The following ALKAL2 variants were observed in gnomAD, a reference collection of about 807,000 sequenced individuals.
The protein encoded by ALKAL2 is ALK and LTK ligand 2.
In ALKAL2, 8 loss-of-function variants were observed where a neutral mutation model predicts 18.5. The observed-to-expected ratio is 0.43, with a 90% CI of 0.25 to 0.78. The LOEUF (loss-of-function observed/expected upper bound fraction) is 0.78. Ranked by LOEUF, ALKAL2 falls within the 30% of genes least tolerant of loss-of-function variation. The pLI is 0.22. For missense variants in ALKAL2, 241 were observed against 211.2 expected, an observed-to-expected ratio of 1.14 and a Z score of -0.88; for synonymous variants, 135 against 95.8, an observed-to-expected ratio of 1.41 and a Z score of -2.39.
intron 5 of ALKAL2, among the ~76,000 whole-genome samples, chr2:280,816 C>T (rs900373517): frequency 1.3e-5 from 2 of 152,206 alleles, no homozygotes; most frequent in Admixed American, 6.5e-5. Flanking sequence ...AGCTTCAGAA[C>T]GCGGCAAATG....
In ALKAL2 at chr2:279,806, A is replaced by C. The variant is rs1670276882; in HGVS notation, c.*341T>G. The C allele has an allele frequency of 1.1e-5, 3 of 265,086 alleles. No individual in the cohort carries two copies. The highest frequency in any genetic ancestry group is 2.2e-5 in the Non-Finnish European group (3 of 139,206). 16.4% of individuals were successfully genotyped at this position (265,086 alleles called of 1,614,324 possible). ...TTATGTTATATGAAAATATACTTTA[A>C]GATTCTGCTTATGTTTCTAAAGAAA... On this transcript the variant is annotated 3_prime_UTR_variant, in exon 6 of 6. Coordinates refer to ENST00000403610, the MANE Select transcript of ALKAL2 (RefSeq NM_001002919.3).
At chr2:280,437 A>G (rs557905797) in intron 5 of ALKAL2, among the ~76,000 whole-genome samples, 5 of 152,364 alleles carry the variant, frequency 3.3e-5, no homozygotes, top group Non-Finnish European at 5.9e-5. Flanking sequence ...TACATGTGCT[A>G]TCAGAATCCT....
intron 2 of ALKAL2, 135 bp downstream of exon 2, chr2:287,448 T>TAAA (rs67240058): frequency 6.8e-6 from 3 of 441,372 alleles, no homozygotes; most frequent in Non-Finnish European, 7.2e-6. Context: ...TTCTTTTTCT[T>TAAA]AAAAAAAAAA....
intron 2 of ALKAL2, 117 bp from the exon 3 acceptor site, chr2:286,460 A>G: frequency 1.4e-6 from 1 of 725,608 alleles, no homozygotes; most frequent in Non-Finnish European, 2.3e-6. Context: ...GCTTTGCACA[A>G]AATAAAAAAG....
intron 5 of ALKAL2, among the ~76,000 whole-genome samples, chr2:281,487 G>A (rs1437447748): frequency 2.0e-5 from 3 of 152,180 alleles, no homozygotes; most frequent in East Asian, 3.9e-4. Flanking sequence ...AGGGGATTCT[G>A]CCACAGCTTT....
chr2:284,633 G>A, intron 4 of ALKAL2, among the ~76,000 whole-genome samples: 1 of 152,170 alleles, frequency 6.6e-6, no homozygotes, highest in South Asian at 2.1e-4. Flanking sequence ...TGAGCAAAAG[G>A]AGGTATCGAA....
intron 2 of ALKAL2, 30 bp downstream of exon 2, chr2:287,553 C>T: frequency 7.4e-7 from 1 of 1,352,242 alleles, no homozygotes; most frequent in Non-Finnish European, 9.5e-7. Context: ...CCAGCAGCCC[C>T]GGCCCTCGGG....
chr2:285,519 T>A (rs759523445), intron 4 of ALKAL2, among the ~76,000 whole-genome samples: 3 of 152,194 alleles, frequency 2.0e-5, no homozygotes, highest in Non-Finnish European at 4.4e-5. Flanking sequence ...AACAAGGAGC[T>A]ACTTTTGGAG....
intron 4 of ALKAL2, chr2:285,875 C>T (rs751843443): frequency 1.3e-4 from 59 of 450,846 alleles, no homozygotes; most frequent in Non-Finnish European, 2.1e-4. Context: ...GGAGGAGAAT[C>T]GGAGTTCAGC....
In ALKAL2 at chr2:282,700, T is replaced by C. The variant is rs538509482; in HGVS notation, c.453+411A>G. 5.3e-5 allele frequency among the ~76,000 whole-genome samples: 8 copies of C among 152,304 alleles called. No homozygotes were observed. The South Asian group carries it at 1.7e-3, about 32-fold the overall frequency. ...TTCTTTATGAGCTTATGACTACAAC[T>C]CAAACATGTACCAGATGTGATAATC... On this transcript the variant is annotated intron_variant, in intron 5 of 5. Coordinates refer to ENST00000403610, the MANE Select transcript of ALKAL2 (RefSeq NM_001002919.3).
chr2:280,198 A>G (rs1460703411), intron 5 of ALKAL2, 46 bp from the exon 6 acceptor site: 2 of 1,612,412 alleles, frequency 1.2e-6, no homozygotes, highest in East Asian at 2.2e-5. Context: ...CACACTTCTT[A>G]ATGTCAATTC....
At position 279,982 on chromosome 2, in the gene ALKAL2, G is replaced by A; in HGVS notation, c.*165C>T. ...ACACTGATTTATCGAATATATATCTGCAAACTGTCAACAACATACAAAACT... is the reference window on the plus strand; with the variant it reads ...ACACTGATTTATCGAATATATATCTACAAACTGTCAACAACATACAAAACT... On this transcript the variant is annotated 3_prime_UTR_variant, in exon 6 of 6. Transcript: ENST00000403610. 1.4e-6 allele frequency: 1 copy of A among 727,334 alleles called. No homozygotes were observed. Among genetic ancestry groups the A allele is most frequent in the East Asian group, 2.5e-5 (1 of 40,266 alleles). 45.1% of individuals were successfully genotyped at this position (727,334 alleles called of 1,614,324 possible). A position where few individuals can be genotyped will look rare whatever the true frequency, so the allele number is the denominator to read the frequency against.
At chr2:282,436 T>A (rs1405048442) in intron 5 of ALKAL2, among the ~76,000 whole-genome samples, 1 of 152,226 alleles carries the variant, frequency 6.6e-6, no homozygotes, top group Non-Finnish European at 1.5e-5. Context: ...ATAAAATTGG[T>A]GAAATTACAG....
At chr2:280,601 T>C (rs1421001119) in intron 5 of ALKAL2, among the ~76,000 whole-genome samples, 1 of 152,250 alleles carries the variant, frequency 6.6e-6, no homozygotes, top group Non-Finnish European at 1.5e-5. Flanking sequence ...TAAAGAATGA[T>C]AAACTTCAAG....
rs768061273 is a variant in ALKAL2 at position 287,567 on chromosome 2, G to T, written c.253+16C>A. 3 of 1,379,168 alleles carry T rather than the reference G, an allele frequency of 2.2e-6. No individual in the cohort carries two copies. The highest frequency in any genetic ancestry group is 1.5e-5 in the African/African-American group (1 of 65,544). 85.4% of individuals were successfully genotyped at this position (1,379,168 alleles called of 1,614,324 possible). On this transcript the variant is annotated intron_variant, in intron 2 of 5. Coordinates refer to ENST00000403610, the MANE Select transcript of ALKAL2 (RefSeq NM_001002919.3). ...CCCAGCAGCCCCGGCCCTCGGGCGC[G>T]CTCGGCCCCACTCACCCACTCGCTG...
In ALKAL2 at chr2:287,690, C is replaced by T. The variant is rs1216943359; in HGVS notation, c.146G>A (p.Arg49Gln). The stretch of plus-strand genomic sequence containing the variant: ...CTTGTGCTCCGCCGAGTGGTGCTTC[C>T]GCAGCTCCTGGACGAGTTCCACCAC... ...RLVVELVQEL[R>Q]KHHSAEHKGL... Residue 49 changes from arginine (R) to glutamine (Q), a missense_variant, in exon 2 of 6, where the codon CGG becomes CAG. Physicochemically the swap from Arg to Gln is conservative, Grantham distance 43. Coordinates refer to ENST00000403610, the MANE Select transcript of ALKAL2 (RefSeq NM_001002919.3). 2.0e-6 allele frequency: 3 copies of T among 1,482,094 alleles called. No individual in the cohort carries two copies. The South Asian group carries it at 3.8e-5, about 19-fold the overall frequency. 91.8% of individuals were successfully genotyped at this position (1,482,094 alleles called of 1,614,324 possible).
chr2:283,041 G>T, intron 5 of ALKAL2, 70 bp downstream of exon 5: 4 of 1,466,370 alleles, frequency 2.7e-6, no homozygotes, highest in South Asian at 2.5e-5. Flanking sequence ...AAACTCCCAT[G>T]AATTTTTCAT....
At chr2:287,486 A>T in intron 2 of ALKAL2, 97 bp downstream of exon 2, 10 of 622,878 alleles carry the variant, frequency 1.6e-5, no homozygotes, top group Non-Finnish European at 2.3e-5. Flanking sequence ...CCTGCTGTTC[A>T]GTGGTCAAAA....
chr2:280,060 G>A lies in ALKAL2; in HGVS notation c.*87C>T. On this transcript the variant is annotated 3_prime_UTR_variant, in exon 6 of 6. Coordinates refer to ENST00000403610, the MANE Select transcript of ALKAL2 (RefSeq NM_001002919.3). ...CAAAAATAAATCTCTTGTCCATGAG[G>A]GGATGTGTATAAAGATAGTTCTGTT... The A allele has an allele frequency of 7.0e-7, 1 of 1,428,088 alleles. No individual in the cohort carries two copies. Among genetic ancestry groups the A allele is most frequent in the Non-Finnish European group, 9.9e-7 (1 of 1,011,170 alleles). The allele number at this position is 1,428,088 out of a possible 1,614,324, so 88.5% of individuals were successfully genotyped here.
Sources: gnomAD v4.1 joint callset for allele counts (sites outside exome capture counted in the v4.1 genomes callset) on GRCh38, gnomAD v4.1.1 for gene constraint, MANE v1.5 for transcripts, NCBI Gene and HGNC (gene_info 2026-07-23, HGNC 2026-07-21) for gene names.